Variants in SMYD3 observed in about 807,000 individuals in gnomAD.
SMYD3 encodes the protein SET and MYND domain containing 3, also known as histone-lysine N-methyltransferase SMYD3.
In SMYD3, 36 loss-of-function variants were observed where a neutral mutation model predicts 57.7. The observed-to-expected ratio is 0.62, with a 90% CI of 0.48 to 0.82. The LOEUF is 0.82. Among genes scored for constraint, SMYD3 ranks in the 40% least tolerant of loss-of-function variants. The pLI, the probability that SMYD3 is intolerant of heterozygous loss-of-function variation, is 0.00. For missense variants in SMYD3, 515 were observed against 538.8 expected, an observed-to-expected ratio of 0.96 and a Z score of 0.44; for synonymous variants, 211 against 195.0, an observed-to-expected ratio of 1.08 and a Z score of -0.68.
chr1:246,073,861 C>T (rs1336934027), intron 5 of SMYD3, among the ~76,000 whole-genome samples: 3 of 152,136 alleles, frequency 2.0e-5, no homozygotes, highest in African/African-American at 4.8e-5. Flanking sequence ...ACGCCAGATA[C>T]TACAGAAGTT....
At position 246,194,277 on chromosome 1, in the gene SMYD3, T is replaced by G. The variant is rs562189724; in HGVS notation, c.531+132924A>C. Among the ~76,000 whole-genome samples the G allele has an allele frequency of 7.8e-4, 118 of 152,014 alleles. 2 individuals are homozygous for G. The South Asian group carries it at 0.018, about 23-fold the overall frequency. ...AGTTCTTGTGGGGTTTTTTTGTTTT[T>G]TTTTTTTTGACATGGAGGCTCGCCC... On this transcript the variant is annotated intron_variant, in intron 5 of 11. Transcript: ENST00000490107.
intron 5 of SMYD3, among the ~76,000 whole-genome samples, chr1:246,032,015 C>A (rs2059686593): frequency 6.6e-6 from 1 of 152,114 alleles, no homozygotes; most frequent in African/African-American, 2.4e-5. Context: ...ACCCTCGAAG[C>A]AACGTGCAAT....
intron 5 of SMYD3, among the ~76,000 whole-genome samples, chr1:245,956,570 C>A (rs2057850344): frequency 6.6e-6 from 1 of 152,172 alleles, no homozygotes; most frequent in African/African-American, 2.4e-5. Flanking sequence ...CACTGTAGTT[C>A]ACAAGAATTC....
At chr1:246,093,257 C>A (rs527868552) in intron 5 of SMYD3, among the ~76,000 whole-genome samples, 1 of 152,180 alleles carries the variant, frequency 6.6e-6, no homozygotes, top group East Asian at 1.9e-4. Flanking sequence ...CCAGCAATCT[C>A]ACAGGTGGGT....
At chr1:246,094,495 T>G (rs890994405) in intron 5 of SMYD3, among the ~76,000 whole-genome samples, 12 of 152,214 alleles carry the variant, frequency 7.9e-5, no homozygotes, top group Non-Finnish European at 1.5e-5. Flanking sequence ...CATTATGACT[T>G]AGTGTATCTG....
intron 5 of SMYD3, among the ~76,000 whole-genome samples, chr1:246,204,619 T>A (rs2062969997): frequency 6.6e-6 from 1 of 152,248 alleles, no homozygotes. Context: ...TGGACCATCA[T>A]GTCACATATA....
chr1:246,386,183 T>C (rs2066477784), intron 1 of SMYD3, among the ~76,000 whole-genome samples: 1 of 152,200 alleles, frequency 6.6e-6, no homozygotes, highest in Non-Finnish European at 1.5e-5. Flanking sequence ...CCACCGCGTC[T>C]GGCCTAAAAT....
intron 10 of SMYD3, among the ~76,000 whole-genome samples, chr1:245,814,841 C>T (rs1320321336): frequency 1.3e-5 from 2 of 150,838 alleles, no homozygotes; most frequent in Non-Finnish European, 2.9e-5. Context: ...CACGCACACA[C>T]ATGCACGCAC....
intron 11 of SMYD3, among the ~76,000 whole-genome samples, chr1:245,755,207 T>C (rs1163668397): frequency 2.0e-5 from 3 of 152,232 alleles, no homozygotes; most frequent in Non-Finnish European, 4.4e-5. Context: ...TTTGGTTTTG[T>C]TTCCAAATAT....
intron 5 of SMYD3, among the ~76,000 whole-genome samples, chr1:245,992,963 G>A (rs963499388): frequency 7.0e-6 from 1 of 142,038 alleles, no homozygotes; most frequent in East Asian, 2.0e-4. Context: ...TTCTAGAATG[G>A]CGGTCATGGG....
At chr1:246,071,781 CTG>C (rs1440459585) in intron 5 of SMYD3, among the ~76,000 whole-genome samples, 2 of 136,740 alleles carry the variant, frequency 1.5e-5, no homozygotes, top group East Asian at 4.7e-4. Flanking sequence ...TCGCTGCATC[CTG>C]TAGTTCTGGG....
intron 1 of SMYD3, among the ~76,000 whole-genome samples, chr1:246,381,927 G>A (rs1007007964): frequency 2.8e-5 from 4 of 144,748 alleles, no homozygotes; most frequent in Admixed American, 1.4e-4. Flanking sequence ...CGGGCTCCAG[G>A]TCAGTTCCTG....
At chr1:246,300,789 T>G (rs1421389469) in intron 5 of SMYD3, among the ~76,000 whole-genome samples, 1 of 152,170 alleles carries the variant, frequency 6.6e-6, no homozygotes, top group African/African-American at 2.4e-5. Flanking sequence ...CCACAGTGCC[T>G]GGAATACAGC....
At chr1:246,359,515 T>C (rs2065956521) in intron 1 of SMYD3, among the ~76,000 whole-genome samples, 1 of 151,894 alleles carries the variant, frequency 6.6e-6, no homozygotes, top group Admixed American at 6.6e-5. Context: ...TAACAAAAAA[T>C]TAAAACTACA....
At chr1:246,246,122 T>C (rs754625417) in intron 5 of SMYD3, among the ~76,000 whole-genome samples, 5 of 152,238 alleles carry the variant, frequency 3.3e-5, no homozygotes, top group African/African-American at 7.2e-5. Flanking sequence ...CATTCAGTTC[T>C]ATCAGACAAC....
At chr1:245,830,408 T>C (rs1045238414) in intron 10 of SMYD3, among the ~76,000 whole-genome samples, 1 of 152,174 alleles carries the variant, frequency 6.6e-6, no homozygotes, top group African/African-American at 2.4e-5. Flanking sequence ...ACTTATTCAC[T>C]TCCAGGAGAA....
intron 10 of SMYD3, among the ~76,000 whole-genome samples, chr1:245,841,565 G>C (rs2050402519): frequency 1.3e-5 from 2 of 152,058 alleles, no homozygotes; most frequent in Non-Finnish European, 2.9e-5. Flanking sequence ...ATTCTAAACG[G>C]ACGGAAACAC....
At chr1:246,264,111 A>T (rs1248771672) in intron 5 of SMYD3, among the ~76,000 whole-genome samples, 1 of 152,222 alleles carries the variant, frequency 6.6e-6, no homozygotes, top group African/African-American at 2.4e-5. Context: ...CAGATTTCGA[A>T]TACAGACTTC....
chr1:245,792,307 T>A (rs1157680641), intron 10 of SMYD3, among the ~76,000 whole-genome samples: 1 of 152,240 alleles, frequency 6.6e-6, no homozygotes, highest in East Asian at 1.9e-4. Flanking sequence ...AGAACTTAAA[T>A]ATAATAATTG....
Sources: gnomAD v4.1 joint callset for allele counts (sites outside exome capture counted in the v4.1 genomes callset) on GRCh38, gnomAD v4.1.1 for gene constraint, MANE v1.5 for transcripts, NCBI Gene and HGNC (gene_info 2026-07-23, HGNC 2026-07-21) for gene names.